The following TRPV1 variants were observed in gnomAD, a reference collection of about 807,000 sequenced individuals.
TRPV1 encodes transient receptor potential cation channel subfamily V member 1.
In TRPV1, 82 loss-of-function variants were observed where a neutral mutation model predicts 82.3. The observed-to-expected ratio is 1.00, with a 90% CI of 0.83 to 1.20. The LOEUF (loss-of-function observed/expected upper bound fraction) is 1.20, where lower values mean the gene tolerates loss of function less well. Among genes scored for constraint, TRPV1 ranks in the 50% most tolerant of loss-of-function variants. The pLI, the probability that TRPV1 is intolerant of heterozygous loss-of-function variation, is 0.00. For missense variants in TRPV1, 1,067 were observed against 1,096.8 expected, an observed-to-expected ratio of 0.97 and a Z score of 0.38; for synonymous variants, 515 against 467.7, an observed-to-expected ratio of 1.10 and a Z score of -1.30.
At chr17:3,585,535 T>G in intron 9 of TRPV1, 3 of 515,962 alleles carry the variant, frequency 5.8e-6, no homozygotes, top group East Asian at 3.4e-5. Context: ...ACCTCAAGGT[T>G]AAAGGAGAGG....
intron 13 of TRPV1, among the ~76,000 whole-genome samples, chr17:3,576,668 A>AAAAAAAAAAATATATATATAT: frequency 1.7e-3 from 64 of 38,376 alleles, no homozygotes; most frequent in Non-Finnish European, 2.7e-3. Context: ...AAAAAAAAAA[A>AAAAAAAAAAATATATATATAT]ATATATATAT....
intron 8 of TRPV1, among the ~76,000 whole-genome samples, chr17:3,587,211 C>CT (rs1471779442): frequency 6.6e-6 from 1 of 152,226 alleles, no homozygotes; most frequent in Admixed American, 6.5e-5. Flanking sequence ...ATCCAGCACT[C>CT]TGAGTTGGAG....
At chr17:3,577,322 T>C in intron 12 of TRPV1, 130 bp from the exon 13 acceptor site, 1 of 1,040,684 alleles carries the variant, frequency 9.6e-7, no homozygotes, top group Non-Finnish European at 1.4e-6. Context: ...GGTTCTCAGC[T>C]CAGGGGTCAT....
At chr17:3,580,309 G>C in intron 11 of TRPV1, 148 bp downstream of exon 11, 1 of 789,826 alleles carries the variant, frequency 1.3e-6, no homozygotes, top group Non-Finnish European at 2.2e-6. Context: ...TTCATCCCCC[G>C]AGTATGTATT....
chr17:3,576,000 A>G (rs879560160), intron 13 of TRPV1, among the ~76,000 whole-genome samples: 82 of 151,542 alleles, frequency 5.4e-4, no homozygotes, highest in Non-Finnish European at 1.1e-3. Context: ...CGAGGCGGGC[A>G]GATCACTTGA....
chr17:3,570,895 T>A (rs950631900), intron 16 of TRPV1, among the ~76,000 whole-genome samples: 1 of 152,092 alleles, frequency 6.6e-6, no homozygotes, highest in African/African-American at 2.4e-5. Flanking sequence ...TGTATTTTTT[T>A]TAGTAGAGAT....
At chr17:3,594,217 C>G (rs2075197666) in intron 2 of TRPV1, among the ~76,000 whole-genome samples, 2 of 150,336 alleles carry the variant, frequency 1.3e-5, no homozygotes, top group African/African-American at 4.9e-5. Context: ...TCAGACCCTT[C>G]TAATTGCCAT....
chr17:3,568,246 C>T (rs564043997), intron 16 of TRPV1, among the ~76,000 whole-genome samples: 12 of 148,926 alleles, frequency 8.1e-5, no homozygotes, highest in African/African-American at 1.2e-4. Flanking sequence ...GGCGTGAACC[C>T]GGGAGGTGGA....
intron 16 of TRPV1, among the ~76,000 whole-genome samples, chr17:3,567,790 GA>G (rs979598643): frequency 2.0e-5 from 3 of 150,294 alleles, no homozygotes. Flanking sequence ...AAAAAAAAAA[GA>G]AAAAAATTAT....
At chr17:3,589,013 G>C (rs1208456636) in intron 7 of TRPV1, 3 of 1,494,286 alleles carry the variant, frequency 2.0e-6, no homozygotes, top group East Asian at 4.9e-5. Flanking sequence ...GAGCCAGATG[G>C]GGTGGCTCAT....
chr17:3,599,213 T>G (rs975549100), intron 2 of TRPV1, among the ~76,000 whole-genome samples: 31 of 152,150 alleles, frequency 2.0e-4, no homozygotes, highest in African/African-American at 7.2e-4. Flanking sequence ...CACTCCAGCC[T>G]CGGCAACAAG....
At chr17:3,581,986 C>A (rs12947505) in intron 10 of TRPV1, among the ~76,000 whole-genome samples, 4 of 137,324 alleles carry the variant, frequency 2.9e-5, no homozygotes, top group Admixed American at 2.2e-4. Context: ...GTCAGGAGAT[C>A]GAGACCATCC....
At chr17:3,568,329 A>G (rs1263845900) in intron 16 of TRPV1, among the ~76,000 whole-genome samples, 1 of 151,860 alleles carries the variant, frequency 6.6e-6, no homozygotes, top group Non-Finnish European at 1.5e-5. Context: ...CTCAAAAAAA[A>G]AAAAAAAAGA....
intron 10 of TRPV1, among the ~76,000 whole-genome samples, chr17:3,582,001 T>C (rs113532810): frequency 0.15 from 20,843 of 140,802 alleles, 1,902 homozygotes; most frequent in East Asian, 0.43. Context: ...CCATCCTGGC[T>C]AACACGGTGA....
Position 3,571,534 on chromosome 17 carries a change from C to A in TRPV1, c.2337G>T (p.Arg779=). Residue 779 remains arginine (R), a synonymous_variant, in exon 16 of 17, where the codon CGG becomes CGT. Coordinates refer to ENST00000572705, the MANE Select transcript of TRPV1 (RefSeq NM_080704.4). The stretch of plus-strand genomic sequence containing the variant: ...GCCCTCACGCCTCACCTCTGCTTGA[C>A]CGCAGGGAGAAGCTCAGGGTGCGCT... ...GVKRTLSFSL[R]SSRVSGRHWK... is the part of the protein sequence containing the mutation. The A allele has an allele frequency of 6.2e-7, 1 of 1,603,506 alleles. No homozygotes were observed. Among genetic ancestry groups the A allele is most frequent in the South Asian group, 1.1e-5 (1 of 88,782 alleles).
intron 3 of TRPV1, 80 bp downstream of exon 3, chr17:3,591,987 C>A (rs2075164144): frequency 6.6e-7 from 1 of 1,524,832 alleles, no homozygotes. Flanking sequence ...GACATTTAGC[C>A]CAGAAGCCAG....
At chr17:3,574,755 C>A (rs935173311) in intron 13 of TRPV1, among the ~76,000 whole-genome samples, 1 of 151,786 alleles carries the variant, frequency 6.6e-6, no homozygotes, top group Admixed American at 6.6e-5. Flanking sequence ...TTGAGACCAG[C>A]CTGGCCAACA....
At chr17:3,575,358 C>T (rs2074915805) in intron 13 of TRPV1, among the ~76,000 whole-genome samples, 1 of 151,960 alleles carries the variant, frequency 6.6e-6, no homozygotes, top group Non-Finnish European at 1.5e-5. Context: ...TGATGGGCAG[C>T]TGTGATCCCA....
At chr17:3,587,728 G>T (rs748124227) in intron 8 of TRPV1, among the ~76,000 whole-genome samples, 1 of 151,770 alleles carries the variant, frequency 6.6e-6, no homozygotes, top group East Asian at 1.9e-4. Flanking sequence ...GAGGAGAATC[G>T]CTTGAACCCG....
Sources: gnomAD v4.1 joint callset for allele counts (sites outside exome capture counted in the v4.1 genomes callset) on GRCh38, gnomAD v4.1.1 for gene constraint, MANE v1.5 for transcripts, NCBI Gene and HGNC (gene_info 2026-07-23, HGNC 2026-07-21) for gene names.